LEPR: variants seen among roughly 807,000 people sequenced by gnomAD.
The protein encoded by LEPR is leptin receptor, also known as OB receptor.
In LEPR, 56 loss-of-function variants were observed where a neutral mutation model predicts 114.7. That is an observed-to-expected ratio of 0.49 (90% CI 0.39 to 0.61). LEPR has a LOEUF of 0.61. LEPR is among the 20% of genes least tolerant of loss of function. LEPR has a pLI of 0.00. For missense variants in LEPR, 1,202 were observed against 1,352.9 expected (o/e 0.89, Z 1.75); for synonymous variants, 443 against 461.4 (o/e 0.96, Z 0.51).
At chr1:65,506,390 A>T (rs1319726899) in intron 2 of LEPR, among the ~76,000 whole-genome samples, 1 of 152,210 alleles carries the variant, frequency 6.6e-6, no homozygotes. Context: ...TGAGTCTCAA[A>T]AACACACGTA....
chr1:65,570,996 G>GTATCCCAAAAAAAT lies in LEPR; in HGVS notation c.370+194_370+195insTATCCCAAAAAAAT, dbSNP rs532989803. 8.5e-5 allele frequency among the ~76,000 whole-genome samples: 13 copies of GTATCCCAAAAAAAT among 152,122 alleles called. 1 individual carries two copies. The South Asian group carries it at 2.7e-3, about 32-fold the overall frequency. The stretch of plus-strand genomic sequence containing the variant: ...ATCTTGTATCCCATAAAAATATAAT[G>GTATCCCAAAAAAAT]AGGGAATTATTTTACTTTTAAGTAC... On this transcript the variant is annotated intron_variant, in intron 4 of 19. Transcript: ENST00000349533.
intron 2 of LEPR, among the ~76,000 whole-genome samples, chr1:65,512,838 A>T (rs1649098901): frequency 6.6e-6 from 1 of 152,212 alleles, no homozygotes; most frequent in African/African-American, 2.4e-5. Flanking sequence ...CATTGAAGAA[A>T]TTAAGTTCAG....
intron 2 of LEPR, among the ~76,000 whole-genome samples, chr1:65,475,706 C>T (rs1466580393): frequency 6.6e-6 from 1 of 152,068 alleles, no homozygotes; most frequent in African/African-American, 2.4e-5. Flanking sequence ...CAAAAAGCCA[C>T]AGATATTTGT....
At chr1:65,548,830 T>A (rs1052021166) in intron 2 of LEPR, among the ~76,000 whole-genome samples, 8 of 152,232 alleles carry the variant, frequency 5.3e-5, no homozygotes, top group African/African-American at 1.9e-4. Context: ...TATCGTTATG[T>A]GTGAATTTGG....
At chr1:65,541,410 T>C (rs1441635117) in intron 2 of LEPR, among the ~76,000 whole-genome samples, 1 of 152,184 alleles carries the variant, frequency 6.6e-6, no homozygotes, top group East Asian at 1.9e-4. Context: ...TATGCATTTT[T>C]TAGGAATTAA....
chr1:65,549,496 G>C (rs1403540197), intron 2 of LEPR, among the ~76,000 whole-genome samples: 1 of 152,118 alleles, frequency 6.6e-6, no homozygotes, highest in African/African-American at 2.4e-5. Flanking sequence ...ATATTTCTTG[G>C]AGGCTTTGTT....
At chr1:65,449,260 C>CTTTTTTTTTTTT (rs201429452) in intron 2 of LEPR, among the ~76,000 whole-genome samples, 16 of 118,520 alleles carry the variant, frequency 1.3e-4, no homozygotes, top group African/African-American at 4.7e-4. Flanking sequence ...TTTTATTTAT[C>CTTTTTTTTTTTT]TTTTTTTTTT....
At chr1:65,500,806 A>G (rs984211664) in intron 2 of LEPR, among the ~76,000 whole-genome samples, 1 of 151,944 alleles carries the variant, frequency 6.6e-6, no homozygotes, top group Non-Finnish European at 1.5e-5. Flanking sequence ...GGCACCCTTA[A>G]CCCCCACGTT....
chr1:65,515,349 G>A (rs141916700), intron 2 of LEPR, among the ~76,000 whole-genome samples: 197 of 152,280 alleles, frequency 1.3e-3, no homozygotes, highest in Non-Finnish European at 2.4e-3. Flanking sequence ...ATGCTTTTGA[G>A]CAAGTCCGTA....
chr1:65,567,317 C>A (rs569502427), intron 3 of LEPR, among the ~76,000 whole-genome samples: 1 of 152,186 alleles, frequency 6.6e-6, no homozygotes, highest in Admixed American at 6.5e-5. Flanking sequence ...TTTCAAGCAA[C>A]TGAATCCTCT....
chr1:65,625,602 G>C lies in LEPR; in HGVS notation c.2673+2621G>C, dbSNP rs543307417. Among the ~76,000 whole-genome samples the C allele has an allele frequency of 3.3e-5, 5 of 152,118 alleles. No homozygotes were observed. The East Asian group carries it at 9.7e-4, about 29-fold the overall frequency. On this transcript the variant is annotated intron_variant, in intron 19 of 19. Coordinates refer to ENST00000349533, the MANE Select transcript of LEPR (RefSeq NM_002303.6). ...GTAAACTACATGTTGTGAAAGAAGG[G>C]GTTCCATTGTGCTGAGCGCTTATAA...
intron 2 of LEPR, among the ~76,000 whole-genome samples, chr1:65,538,963 TCTC>T (rs894897049): frequency 2.0e-5 from 3 of 151,990 alleles, no homozygotes; most frequent in Admixed American, 6.6e-5. Context: ...GTGATTATTT[TCTC>T]CTTTCTATTC....
intron 2 of LEPR, chr1:65,525,590 C>G (rs932866023): frequency 6.1e-6 from 6 of 978,554 alleles, no homozygotes; most frequent in South Asian, 4.7e-5. Flanking sequence ...GGCGGCCACC[C>G]GACTCTTCCC....
rs373650495 is a variant in LEPR, at chr1:65,570,528, A to G, written c.96A>G (p.Arg32=). 7 of 1,613,916 alleles carry G rather than the reference A, an allele frequency of 4.3e-6. No homozygotes were observed. The South Asian group carries it at 7.7e-5, about 18-fold the overall frequency. The change falls in exon 4 of 20, where the codon AGA becomes AGG. Residue 32 remains arginine, a synonymous_variant. Transcript: ENST00000349533. The stretch of plus-strand genomic sequence containing the variant: ...TGTCATATCCAATTACTCCTTGGAG[A>G]TTTAAGTTGTCTTGCATGCCACCAA... ...FNLSYPITPW[R]FKLSCMPPNS...
At chr1:65,501,359 C>T (rs1191586776) in intron 2 of LEPR, among the ~76,000 whole-genome samples, 1 of 151,720 alleles carries the variant, frequency 6.6e-6, no homozygotes, top group African/African-American at 2.4e-5. Flanking sequence ...TGTTCTGTGG[C>T]AGCATAACTC....
rs1308699624 is a variant in LEPR at position 65,633,702 on chromosome 1, C to T, written c.2674-2489C>T. On this transcript the variant is annotated intron_variant, in intron 19 of 19. Coordinates refer to ENST00000349533, the MANE Select transcript of LEPR (RefSeq NM_002303.6). This position sits in a 1 kb window ranked among gnomAD's most constrained non-coding sequence, Gnocchi z 4.1. ...TAGACACGTCAGCCTAAAAATCAGCCTATTCGGGTGTTCTTTTGAATATCT... is the reference window on the plus strand; with the variant it reads ...TAGACACGTCAGCCTAAAAATCAGCTTATTCGGGTGTTCTTTTGAATATCT... The T allele has an allele frequency of 3.0e-6, 3 of 985,330 alleles. No homozygotes were observed. The highest frequency in any genetic ancestry group is 3.6e-6 in the Non-Finnish European group (3 of 829,958). The allele number at this position is 985,330 out of a possible 1,614,324, so 61.0% of individuals were successfully genotyped here.
chr1:65,472,105 A>G (rs1482760275), intron 2 of LEPR, among the ~76,000 whole-genome samples: 2 of 152,186 alleles, frequency 1.3e-5, no homozygotes, highest in African/African-American at 2.4e-5. Context: ...AATAAATACT[A>G]TGAAATTTGG....
intron 2 of LEPR, among the ~76,000 whole-genome samples, chr1:65,453,667 T>G (rs1465129718): frequency 6.6e-6 from 1 of 152,248 alleles, no homozygotes; most frequent in East Asian, 1.9e-4. Flanking sequence ...ATTTCTGTTC[T>G]TTTACATTTG....
chr1:65,452,374 C>A (rs1282142826), intron 2 of LEPR, among the ~76,000 whole-genome samples: 1 of 149,414 alleles, frequency 6.7e-6, no homozygotes, highest in Admixed American at 6.7e-5. Context: ...AAAGGGAATG[C>A]TTCCAGTTTT....
Sources: gnomAD v4.1 joint callset for allele counts (sites outside exome capture counted in the v4.1 genomes callset) on GRCh38, gnomAD v4.1.1 for gene constraint, Gnocchi (gnomAD v3.1) non-coding constraint, MANE v1.5 for transcripts, NCBI Gene and HGNC (gene_info 2026-07-23, HGNC 2026-07-21) for gene names.